MAGI1: variants seen among roughly 807,000 people sequenced by gnomAD.
The protein encoded by MAGI1 is membrane associated guanylate kinase, WW and PDZ domain containing 1.
Under a neutral mutation model 139.9 loss-of-function variants are expected in MAGI1, and 58 were observed. The observed-to-expected ratio is 0.41, with a 90% CI of 0.34 to 0.52. The LOEUF (loss-of-function observed/expected upper bound fraction) is 0.52, where lower values mean the gene tolerates loss of function less well. MAGI1 is among the 20% of genes least tolerant of loss of function. The pLI, the probability that MAGI1 is intolerant of heterozygous loss-of-function variation, is 0.12. For missense variants in MAGI1, 1,874 were observed against 1,901.6 expected (o/e 0.99, Z 0.27); for synonymous variants, 812 against 737.9 (o/e 1.10, Z -1.63).
At chr3:65,476,761 A>G (rs1288692371) in intron 4 of MAGI1, among the ~76,000 whole-genome samples, 1 of 142,272 alleles carries the variant, frequency 7.0e-6, no homozygotes, top group African/African-American at 2.5e-5. Flanking sequence ...TTATCAAAAT[A>G]TCAAGGCATT....
At chr3:65,788,440 C>T (rs772029660) in intron 1 of MAGI1, among the ~76,000 whole-genome samples, 11 of 152,198 alleles carry the variant, frequency 7.2e-5, no homozygotes, top group Non-Finnish European at 1.0e-4. Context: ...TATGTACCTA[C>T]ATTATGACCA....
chr3:65,357,492 AC>A (rs370276311), intron 22 of MAGI1, among the ~76,000 whole-genome samples: 2 of 86,082 alleles, frequency 2.3e-5, no homozygotes, highest in South Asian at 9.4e-4. Context: ...TTCCTTTCCC[AC>A]CCCCCCAACC....
At chr3:65,904,158 A>G (rs1006496798) in intron 1 of MAGI1, among the ~76,000 whole-genome samples, 5 of 152,204 alleles carry the variant, frequency 3.3e-5, no homozygotes, top group African/African-American at 1.2e-4. Context: ...CTTTCCAACT[A>G]ATTCCAGACA....
intron 16 of MAGI1, among the ~76,000 whole-genome samples, chr3:65,380,027 CA>C (rs1397013331): frequency 6.6e-6 from 1 of 152,198 alleles, no homozygotes; most frequent in Non-Finnish European, 1.5e-5. Context: ...CATCAGGCGA[CA>C]AACAGTAAGG....
At chr3:65,541,917 C>T (rs1485739190) in intron 2 of MAGI1, among the ~76,000 whole-genome samples, 4 of 152,042 alleles carry the variant, frequency 2.6e-5, no homozygotes, top group African/African-American at 9.7e-5. Flanking sequence ...GAAGTTCTGG[C>T]CAGGGCAATC....
At chr3:65,375,346 G>C (rs138007287) in intron 18 of MAGI1, among the ~76,000 whole-genome samples, 2 of 151,778 alleles carry the variant, frequency 1.3e-5, no homozygotes, top group Non-Finnish European at 2.9e-5. Flanking sequence ...CCGCCACCGC[G>C]CCCGGCTAAT....
chr3:65,599,543 T>G (rs577195469), intron 2 of MAGI1, among the ~76,000 whole-genome samples: 3 of 152,138 alleles, frequency 2.0e-5, no homozygotes, highest in Admixed American at 6.5e-5. Flanking sequence ...TGTGTGACTG[T>G]AGATAATTAC....
chr3:65,873,339 G>A (rs914095409), intron 1 of MAGI1: 4 of 152,200 alleles, frequency 2.6e-5, no homozygotes, highest in Non-Finnish European at 5.9e-5. Flanking sequence ...AAAATCTACA[G>A]CAAAGCTCGT....
At position 65,363,486 on chromosome 3, in the gene MAGI1, C is replaced by T. The variant is rs778076526; in HGVS notation, c.3474G>A (p.Ala1158=). ...TTACCCTCATCTTTCCACACCTCTC[C>T]GCAGGACCGTCCTCTGCTAAGCGCA... ...YVLRLAEDGP[A]ERCGKMRIGD... Residue 1158 remains alanine (A), a synonymous_variant, in exon 21 of 23, where the codon GCG becomes GCA. Coordinates refer to ENST00000402939, the MANE Select transcript of MAGI1 (RefSeq NM_001033057.2). 1.7e-5 allele frequency: 28 copies of T among 1,613,190 alleles called. No individual in the cohort carries two copies. Among genetic ancestry groups the T allele is most frequent in the Admixed American group, 6.7e-5 (4 of 59,882 alleles).
intron 12 of MAGI1, 131 bp from the exon 13 acceptor site, chr3:65,401,601 C>T (rs899905127): frequency 3.2e-6 from 5 of 1,551,406 alleles, no homozygotes; most frequent in Non-Finnish European, 4.4e-6. Context: ...TCAGATTTCT[C>T]CCCAGCATCG....
intron 2 of MAGI1, among the ~76,000 whole-genome samples, chr3:65,563,896 TATC>T (rs1167540917): frequency 6.6e-6 from 1 of 152,252 alleles, no homozygotes; most frequent in African/African-American, 2.4e-5. Context: ...TATTCATTAT[TATC>T]ATGGTTACAA....
At chr3:65,552,879 G>C (rs1659692546) in intron 2 of MAGI1, among the ~76,000 whole-genome samples, 1 of 152,150 alleles carries the variant, frequency 6.6e-6, no homozygotes, top group Non-Finnish European at 1.5e-5. Flanking sequence ...AATAGGTTTT[G>C]TGTAATATCC....
At chr3:65,847,131 C>T (rs998033714) in intron 1 of MAGI1, among the ~76,000 whole-genome samples, 2 of 152,142 alleles carry the variant, frequency 1.3e-5, no homozygotes, top group Non-Finnish European at 2.9e-5. Flanking sequence ...CAGCTGATCA[C>T]TAGAGGCAAT....
intron 2 of MAGI1, among the ~76,000 whole-genome samples, chr3:65,519,591 G>A (rs963958688): frequency 6.6e-6 from 1 of 152,024 alleles, no homozygotes; most frequent in Admixed American, 6.6e-5. Flanking sequence ...TCACCACGTT[G>A]GCCAGGCTGG....
At position 65,683,412 on chromosome 3, in the gene MAGI1, C is replaced by T. The variant is rs75126198; in HGVS notation, c.314-61324G>A. 7.6e-3 allele frequency among the ~76,000 whole-genome samples: 1,160 copies of T among 151,686 alleles called. 11 individuals carry two copies. The highest frequency in any genetic ancestry group is 0.027 in the African/African-American group (1,102 of 41,284). On this transcript the variant is annotated intron_variant, in intron 1 of 22. Coordinates refer to ENST00000402939, the MANE Select transcript of MAGI1 (RefSeq NM_001033057.2). ...ACAGGGGTAGGGAGTATATGGGATACCTCCAGACATGTCTCTGAATTTTGC... is the reference window on the plus strand; with the variant it reads ...ACAGGGGTAGGGAGTATATGGGATATCTCCAGACATGTCTCTGAATTTTGC...
intron 1 of MAGI1, among the ~76,000 whole-genome samples, chr3:65,940,627 G>C (rs912378950): frequency 5.3e-5 from 8 of 152,068 alleles, no homozygotes; most frequent in Non-Finnish European, 1.0e-4. Flanking sequence ...TAAATTTTGG[G>C]GAGATTCACA....
intron 5 of MAGI1, among the ~76,000 whole-genome samples, chr3:65,455,627 C>G (rs1204614593): frequency 1.3e-5 from 2 of 152,138 alleles, no homozygotes; most frequent in Non-Finnish European, 2.9e-5. Flanking sequence ...GTCCTAGCTA[C>G]TGGAGAGGCT....
intron 1 of MAGI1, among the ~76,000 whole-genome samples, chr3:65,917,361 T>C (rs2061954049): frequency 6.6e-6 from 1 of 152,196 alleles, no homozygotes; most frequent in Non-Finnish European, 1.5e-5. Flanking sequence ...GAATGCAAAA[T>C]TATATTGCCA....
chr3:65,375,482 C>G (rs995959242), intron 18 of MAGI1, among the ~76,000 whole-genome samples: 2 of 152,130 alleles, frequency 1.3e-5, no homozygotes, highest in Non-Finnish European at 2.9e-5. Context: ...CCACCGCACC[C>G]GGCCTGAAAC....
Sources: allele counts gnomAD v4.1 joint callset (sites outside exome capture counted in the v4.1 genomes callset), GRCh38; gene constraint gnomAD v4.1.1; transcripts MANE v1.5; gene names NCBI Gene and HGNC (gene_info 2026-07-23, HGNC 2026-07-21).